The following ENOX1 variants were observed in gnomAD, a reference collection of about 807,000 sequenced individuals.
The protein encoded by ENOX1 is candidate growth-related and time keeping constitutive hydroquinone (NADH) oxidase.
ENOX1 carries 42 observed loss-of-function variants against 82.5 expected under a neutral mutation model. That is an observed-to-expected ratio of 0.51 (90% CI 0.40 to 0.66). ENOX1 has a LOEUF of 0.66. ENOX1 is among the 30% of genes least tolerant of loss of function. ENOX1 has a pLI of 0.00. For synonymous variants in ENOX1, 271 were observed against 282.2 expected, an observed-to-expected ratio of 0.96 and a Z score of 0.40; for missense variants, 608 against 811.6, an observed-to-expected ratio of 0.75 and a Z score of 3.05.
chr13:43,337,439 G>A (rs1427514905), intron 9 of ENOX1, among the ~76,000 whole-genome samples: 3 of 152,184 alleles, frequency 2.0e-5, no homozygotes, highest in Admixed American at 1.3e-4. Flanking sequence ...GTATTAACAA[G>A]CGCTGCAGAA....
At chr13:43,316,706 G>C (rs866362063) in intron 11 of ENOX1, among the ~76,000 whole-genome samples, 1 of 151,684 alleles carries the variant, frequency 6.6e-6, no homozygotes, top group African/African-American at 2.4e-5. Flanking sequence ...ATGAAATTAG[G>C]GAACTTAAAA....
intron 15 of ENOX1, among the ~76,000 whole-genome samples, chr13:43,235,278 G>T (rs1280598954): frequency 2.0e-5 from 3 of 152,174 alleles, no homozygotes; most frequent in African/African-American, 7.2e-5. Flanking sequence ...TTTCCTGGGA[G>T]TATCTCTAAG....
chr13:43,457,749 C>T (rs554996397), intron 3 of ENOX1, among the ~76,000 whole-genome samples: 195 of 152,096 alleles, frequency 1.3e-3, no homozygotes, highest in African/African-American at 3.7e-3. Flanking sequence ...GGTCAAACTA[C>T]GTTTTATCAG....
rs546992619 is a variant in ENOX1, at chr13:43,433,643, G to T, written c.-74-20655C>A. Among the ~76,000 whole-genome samples, 69 of 152,244 alleles carry T rather than the reference G, an allele frequency of 4.5e-4. 1 individual carries two copies. Among genetic ancestry groups the T allele is most frequent in the Admixed American group, 2.6e-3 (40 of 15,302 alleles). ...TCCTAAATTATAGTTAGCTCTAAATGTAATAAGAACACATTTCTATGACGT... is the reference window on the plus strand; with the variant it reads ...TCCTAAATTATAGTTAGCTCTAAATTTAATAAGAACACATTTCTATGACGT... On this transcript the variant is annotated intron_variant, in intron 3 of 16. Coordinates refer to ENST00000690772, the MANE Select transcript of ENOX1 (RefSeq NM_001347969.2).
chr13:43,499,074 T>C (rs1203462397), intron 2 of ENOX1, among the ~76,000 whole-genome samples: 1 of 152,128 alleles, frequency 6.6e-6, no homozygotes, highest in Non-Finnish European at 1.5e-5. Context: ...CTAATATCCC[T>C]AATGCTCTTC....
chr13:43,586,491 C>G (rs1172072976), intron 2 of ENOX1, among the ~76,000 whole-genome samples: 5 of 152,178 alleles, frequency 3.3e-5, no homozygotes, highest in African/African-American at 1.2e-4. Context: ...ACTAAACCAA[C>G]TGTGTTGGCG....
chr13:43,751,587 T>A (rs1950323692), intron 1 of ENOX1, among the ~76,000 whole-genome samples: 1 of 151,948 alleles, frequency 6.6e-6, no homozygotes, highest in Non-Finnish European at 1.5e-5. Context: ...TTCTAGAGAG[T>A]CATTAGCATT....
intron 2 of ENOX1, among the ~76,000 whole-genome samples, chr13:43,486,124 G>A (rs1209519408): frequency 6.6e-6 from 1 of 152,146 alleles, no homozygotes; most frequent in Non-Finnish European, 1.5e-5. Context: ...GCAGGAGAAT[G>A]GTGTGAACCC....
At chr13:43,734,843 C>T (rs929209621) in intron 1 of ENOX1, among the ~76,000 whole-genome samples, 3 of 152,194 alleles carry the variant, frequency 2.0e-5, no homozygotes, top group African/African-American at 4.8e-5. Context: ...TAGAGGACAG[C>T]TCTGGAAGAC....
intron 2 of ENOX1, among the ~76,000 whole-genome samples, chr13:43,590,099 A>G (rs2081176855): frequency 6.6e-6 from 1 of 152,178 alleles, no homozygotes; most frequent in African/African-American, 2.4e-5. Context: ...TAAGTGGCTG[A>G]ATAAATGAGA....
intron 12 of ENOX1, among the ~76,000 whole-genome samples, chr13:43,273,265 C>A (rs1389135549): frequency 1.3e-5 from 2 of 152,152 alleles, no homozygotes; most frequent in East Asian, 3.8e-4. Flanking sequence ...TTTCTCCATC[C>A]CATCCTTGCT....
chr13:43,587,123 G>A (rs750511628), intron 2 of ENOX1, among the ~76,000 whole-genome samples: 3 of 151,630 alleles, frequency 2.0e-5, no homozygotes, highest in Admixed American at 1.3e-4. Context: ...CTGATATCCT[G>A]GCCACTTCAT....
chr13:43,274,208 A>G (rs1396482736), intron 12 of ENOX1, among the ~76,000 whole-genome samples: 1 of 152,252 alleles, frequency 6.6e-6, no homozygotes, highest in Admixed American at 6.5e-5. Context: ...AATATTTCTC[A>G]ACAGGCTAAG....
intron 2 of ENOX1, among the ~76,000 whole-genome samples, chr13:43,584,745 A>T (rs1487435238): frequency 1.3e-5 from 2 of 152,204 alleles, no homozygotes; most frequent in Non-Finnish European, 2.9e-5. Flanking sequence ...AGTCGACATC[A>T]CCAGCACTTT....
intron 1 of ENOX1, among the ~76,000 whole-genome samples, chr13:43,748,096 GT>G (rs1190250073): frequency 6.6e-6 from 1 of 152,132 alleles, no homozygotes; most frequent in African/African-American, 2.4e-5. Flanking sequence ...CCAATACAAT[GT>G]GTTAATGAAG....
chr13:43,511,933 G>A (rs2077383863), intron 2 of ENOX1, among the ~76,000 whole-genome samples: 2 of 151,886 alleles, frequency 1.3e-5, no homozygotes, highest in Non-Finnish European at 2.9e-5. Context: ...GTATACTTAT[G>A]TATATTATGT....
intron 10 of ENOX1, among the ~76,000 whole-genome samples, chr13:43,324,139 G>A (rs1002176097): frequency 6.6e-6 from 1 of 151,524 alleles, no homozygotes; most frequent in African/African-American, 2.5e-5. Context: ...GGTGTCACAT[G>A]TGATTAGTGC....
chr13:43,332,831 G>C (rs1223247477), intron 9 of ENOX1, among the ~76,000 whole-genome samples: 1 of 151,692 alleles, frequency 6.6e-6, no homozygotes, highest in African/African-American at 2.4e-5. Context: ...CTGACTAAAT[G>C]AAAGTAATGT....
intron 3 of ENOX1, among the ~76,000 whole-genome samples, chr13:43,429,289 T>A (rs1347918653): frequency 6.6e-6 from 1 of 152,132 alleles, no homozygotes; most frequent in African/African-American, 2.4e-5. Context: ...AAAATCTAGA[T>A]CCCTTTAGAT....
Sources: gnomAD v4.1 joint callset for allele counts (sites outside exome capture counted in the v4.1 genomes callset) on GRCh38, gnomAD v4.1.1 for gene constraint, MANE v1.5 for transcripts, NCBI Gene and HGNC (gene_info 2026-07-23, HGNC 2026-07-21) for gene names.